The following CAMK1D variants were observed in gnomAD, a reference collection of about 807,000 sequenced individuals.
The protein encoded by CAMK1D is calcium/calmodulin dependent protein kinase ID.
Under a neutral mutation model 47.7 loss-of-function variants are expected in CAMK1D, and 9 were observed. The observed-to-expected ratio is 0.19, with a 90% CI of 0.11 to 0.33. The LOEUF (loss-of-function observed/expected upper bound fraction) is 0.33. Among genes scored for constraint, CAMK1D ranks in the 10% least tolerant of loss-of-function variants. The probability of loss-of-function intolerance (pLI) is 1.00; values close to 1 mark genes in which losing one functional copy is unlikely to be tolerated. For synonymous variants in CAMK1D, 184 were observed against 184.9 expected (o/e 0.99, Z 0.04); for missense variants, 291 against 488.7 (o/e 0.60, Z 3.81).
intron 2 of CAMK1D, among the ~76,000 whole-genome samples, chr10:12,615,080 G>A (rs1037095097): frequency 6.6e-6 from 1 of 152,194 alleles, no homozygotes; most frequent in Non-Finnish European, 1.5e-5. Context: ...TTCTGAGGAG[G>A]AATGGCAGGC....
chr10:12,376,958 A>G lies in CAMK1D; in HGVS notation c.92+27048A>G, dbSNP rs550916296. 7.9e-5 allele frequency among the ~76,000 whole-genome samples: 12 copies of G among 152,012 alleles called. No homozygotes were observed. In the East Asian group the frequency reaches 2.3e-3, roughly 29 times the overall value. On this transcript the variant is annotated intron_variant, in intron 1 of 10. Coordinates refer to ENST00000619168, the MANE Select transcript of CAMK1D (RefSeq NM_153498.4). Reference sequence around the variant, plus strand: ...GTATTTTTAGTAGAGACGGGGTTTCACCATGTTGACCAGGCTGGTCACAAA... The same window carrying G: ...GTATTTTTAGTAGAGACGGGGTTTCGCCATGTTGACCAGGCTGGTCACAAA...
chr10:12,696,071 A>G (rs1411087627), intron 3 of CAMK1D, among the ~76,000 whole-genome samples: 1 of 151,896 alleles, frequency 6.6e-6, no homozygotes, highest in African/African-American at 2.4e-5. Context: ...CCTGGGCAAC[A>G]AGAGTTAAAC....
At chr10:12,743,500 C>T (rs1835529363) in intron 3 of CAMK1D, among the ~76,000 whole-genome samples, 1 of 152,124 alleles carries the variant, frequency 6.6e-6, no homozygotes, top group Non-Finnish European at 1.5e-5. Context: ...GGGAAGAATG[C>T]ACTTAAAAAA....
At chr10:12,631,249 G>A (rs1839370770) in intron 2 of CAMK1D, among the ~76,000 whole-genome samples, 1 of 152,132 alleles carries the variant, frequency 6.6e-6, no homozygotes, top group African/African-American at 2.4e-5. Context: ...GTTCTTCAAA[G>A]ATTATAAAAA....
At chr10:12,733,693 A>T (rs1288974592) in intron 3 of CAMK1D, among the ~76,000 whole-genome samples, 1 of 152,214 alleles carries the variant, frequency 6.6e-6, no homozygotes, top group East Asian at 1.9e-4. Flanking sequence ...ATGTTATGCC[A>T]TACACCCGAA....
At chr10:12,434,332 C>T (rs1426188983) in intron 1 of CAMK1D, among the ~76,000 whole-genome samples, 1 of 152,212 alleles carries the variant, frequency 6.6e-6, no homozygotes, top group African/African-American at 2.4e-5. Context: ...TTGGCCTTTC[C>T]AAATCTCCTC....
Position 12,528,736 on chromosome 10 carries a change from C to CTTTTT in CAMK1D, c.93-24477_93-24473dup, listed in dbSNP as rs34250007. Among the ~76,000 whole-genome samples, 17 of 137,896 alleles carry CTTTTT rather than the reference C, an allele frequency of 1.2e-4. 1 individual carries two copies. The highest frequency in any genetic ancestry group is 2.1e-4 in the East Asian group (1 of 4,698). The allele number at this position is 137,896 out of a possible 152,430, so 90.5% of individuals were successfully genotyped here. A position where few individuals can be genotyped will look rare whatever the true frequency, so the allele number is the denominator to read the frequency against. ...AGAGGTAAAGTGAGGAAATCCTCAT[C>CTTTTT]TTTTTTTTTTTTTTTTCTTTTTGGA... On this transcript the variant is annotated intron_variant, in intron 1 of 10. Coordinates refer to ENST00000619168, the MANE Select transcript of CAMK1D (RefSeq NM_153498.4).
At chr10:12,674,617 T>TTTTTTTTTTTTTTC (rs398012836) in intron 3 of CAMK1D, among the ~76,000 whole-genome samples, 1 of 145,242 alleles carries the variant, frequency 6.9e-6, no homozygotes, top group African/African-American at 2.5e-5. Context: ...TTTTTTTTTT[T>TTTTTTTTTTTTTTC]CAGAATTCTG....
intron 2 of CAMK1D, among the ~76,000 whole-genome samples, chr10:12,631,603 C>T (rs541411224): frequency 3.3e-5 from 5 of 152,158 alleles, no homozygotes; most frequent in East Asian, 1.9e-4. Flanking sequence ...AGTGTGCTCT[C>T]GTGGCTGGAC....
chr10:12,575,911 T>C (rs1837476524), intron 2 of CAMK1D, among the ~76,000 whole-genome samples: 2 of 152,190 alleles, frequency 1.3e-5, no homozygotes, highest in African/African-American at 4.8e-5. Flanking sequence ...GAAGATAATA[T>C]TAAAAATGCA....
chr10:12,795,144 G>A (rs900783242), intron 6 of CAMK1D, among the ~76,000 whole-genome samples: 1 of 152,126 alleles, frequency 6.6e-6, no homozygotes, highest in Admixed American at 6.5e-5. Flanking sequence ...ACAGGGAAAA[G>A]CACCATCAAG....
intron 1 of CAMK1D, among the ~76,000 whole-genome samples, chr10:12,454,082 C>T (rs1210165400): frequency 3.3e-5 from 5 of 152,222 alleles, no homozygotes; most frequent in African/African-American, 1.2e-4. Context: ...CTTCTAGCTC[C>T]TGTCTTCATT....
chr10:12,517,192 C>A (rs7095541), intron 1 of CAMK1D, among the ~76,000 whole-genome samples: 79,567 of 151,792 alleles, frequency 0.52, 20,994 homozygotes, highest in South Asian at 0.68. Context: ...GTTCATTGCT[C>A]GTATATAGAA....
At chr10:12,691,066 C>T (rs1047716933) in intron 3 of CAMK1D, among the ~76,000 whole-genome samples, 1 of 152,038 alleles carries the variant, frequency 6.6e-6, no homozygotes, top group African/African-American at 2.4e-5. Context: ...ATGATGCAAA[C>T]AATCACACCT....
At chr10:12,534,269 G>A (rs1835900081) in intron 1 of CAMK1D, among the ~76,000 whole-genome samples, 1 of 152,178 alleles carries the variant, frequency 6.6e-6, no homozygotes, top group Non-Finnish European at 1.5e-5. Context: ...GAGTGCAGTG[G>A]CGCAATCTCG....
At chr10:12,419,957 A>C (rs1284530209) in intron 1 of CAMK1D, among the ~76,000 whole-genome samples, 1 of 150,468 alleles carries the variant, frequency 6.6e-6, no homozygotes, top group African/African-American at 2.5e-5. Flanking sequence ...CATCTATGTA[A>C]CTTTTTTTTT....
At chr10:12,812,634 AAG>A (rs1832652281) in intron 6 of CAMK1D, among the ~76,000 whole-genome samples, 1 of 152,034 alleles carries the variant, frequency 6.6e-6, no homozygotes, top group South Asian at 2.1e-4. Context: ...AAGAAAAAAA[AAG>A]AACTGCCACC....
chr10:12,458,880 CTTTTT>C (rs35804649), intron 1 of CAMK1D, among the ~76,000 whole-genome samples: 1 of 120,674 alleles, frequency 8.3e-6, no homozygotes, highest in East Asian at 2.6e-4. Context: ...CCTTTCTTTC[CTTTTT>C]TTTTTTTTTT....
At chr10:12,811,916 G>A (rs920873430) in intron 6 of CAMK1D, among the ~76,000 whole-genome samples, 4 of 152,216 alleles carry the variant, frequency 2.6e-5, no homozygotes, top group African/African-American at 9.6e-5. Flanking sequence ...GTGCCTGGTG[G>A]TTTCGGAAGC....
Sources: gnomAD v4.1 joint callset for allele counts (sites outside exome capture counted in the v4.1 genomes callset) on GRCh38, gnomAD v4.1.1 for gene constraint, MANE v1.5 for transcripts, NCBI Gene and HGNC (gene_info 2026-07-23, HGNC 2026-07-21) for gene names.